The following SH3BP5 variants were observed in gnomAD, a reference collection of about 807,000 sequenced individuals.
The protein encoded by SH3BP5 is SH3 domain binding protein 5.
A neutral mutation model predicts 43.3 loss-of-function variants in SH3BP5; 22 were observed. The ratio of observed to expected loss-of-function variants is 0.51; its 90% CI spans 0.36 to 0.73. SH3BP5 has a LOEUF of 0.73. Ranked by LOEUF, SH3BP5 falls within the 30% of genes least tolerant of loss-of-function variation. SH3BP5 has a pLI of 0.00. For synonymous variants in SH3BP5, 255 were observed against 225.8 expected, an observed-to-expected ratio of 1.13 and a Z score of -1.16; for missense variants, 529 against 586.9, an observed-to-expected ratio of 0.90 and a Z score of 1.02.
chr3:15,322,616 C>G (rs891688741), intron 2 of SH3BP5, among the ~76,000 whole-genome samples: 1 of 151,416 alleles, frequency 6.6e-6, no homozygotes, highest in African/African-American at 2.4e-5. Context: ...GGCAGGAGGA[C>G]TGCTTGAGCC....
intron 3 of SH3BP5, among the ~76,000 whole-genome samples, chr3:15,283,341 A>ATG (rs1275618086): frequency 1.4e-4 from 22 of 152,272 alleles, no homozygotes; most frequent in African/African-American, 5.3e-4. Context: ...AGGCTGCAGT[A>ATG]AGCCGAGATT....
intron 2 of SH3BP5, among the ~76,000 whole-genome samples, chr3:15,325,888 G>A (rs922987830): frequency 1.3e-5 from 2 of 152,156 alleles, no homozygotes; most frequent in Admixed American, 1.3e-4. Flanking sequence ...GCGTGGTGGT[G>A]TGAGCCTTTG....
chr3:15,281,650 A>G (rs1368769694), intron 3 of SH3BP5, among the ~76,000 whole-genome samples: 3 of 152,156 alleles, frequency 2.0e-5, no homozygotes, highest in African/African-American at 7.2e-5. Flanking sequence ...CACCTGCACC[A>G]TGTGGACAAA....
intron 3 of SH3BP5, among the ~76,000 whole-genome samples, chr3:15,282,685 A>C (rs1416651290): frequency 1.3e-5 from 2 of 151,402 alleles, no homozygotes; most frequent in Non-Finnish European, 2.9e-5. Context: ...GATGATATTT[A>C]AAAACTAATT....
At chr3:15,276,366 C>T (rs1017697704) in intron 3 of SH3BP5, among the ~76,000 whole-genome samples, 2 of 152,220 alleles carry the variant, frequency 1.3e-5, no homozygotes, top group Non-Finnish European at 2.9e-5. Flanking sequence ...TGTCACATAG[C>T]TGTTTAGTGG....
At chr3:15,330,595 A>C (rs1471273877) in intron 1 of SH3BP5, 29 bp from the exon 2 acceptor site, 5 of 1,552,696 alleles carry the variant, frequency 3.2e-6, no homozygotes, top group African/African-American at 1.4e-5. Flanking sequence ...AGAAAAAAAG[A>C]CTTAAGGGAT....
intron 4 of SH3BP5, among the ~76,000 whole-genome samples, chr3:15,267,258 C>A (rs1029987534): frequency 2.6e-5 from 4 of 152,214 alleles, no homozygotes; most frequent in Admixed American, 2.0e-4. Flanking sequence ...TCAAAGCCAA[C>A]CATGCAAGTG....
intron 5 of SH3BP5, 61 bp from the exon 6 acceptor site, chr3:15,259,864 C>T (rs1575277049): frequency 1.4e-6 from 2 of 1,473,742 alleles, no homozygotes; most frequent in East Asian, 4.5e-5. Flanking sequence ...CAGTCAACTC[C>T]ACAAGATGAA....
intron 2 of SH3BP5, among the ~76,000 whole-genome samples, chr3:15,305,858 G>A (rs1018714154): frequency 1.3e-5 from 2 of 152,000 alleles, no homozygotes; most frequent in African/African-American, 4.8e-5. Context: ...GCTTAATCAT[G>A]TTGTAAAAGT....
intron 4 of SH3BP5, among the ~76,000 whole-genome samples, chr3:15,269,438 A>G (rs1696735147): frequency 6.6e-6 from 1 of 152,176 alleles, no homozygotes; most frequent in African/African-American, 2.4e-5. Context: ...GCCTGAGTCC[A>G]GTCAAGACCC....
chr3:15,330,837 C>A, intron 1 of SH3BP5: 1 of 699,596 alleles, frequency 1.4e-6, no homozygotes, highest in South Asian at 6.4e-5. Context: ...AGGTACATGC[C>A]TTCAGGTAAA....
intron 3 of SH3BP5, among the ~76,000 whole-genome samples, chr3:15,288,272 C>T (rs1290689043): frequency 6.6e-6 from 1 of 152,208 alleles, no homozygotes; most frequent in Non-Finnish European, 1.5e-5. Context: ...AACACCCTCG[C>T]AGTAACAACC....
chr3:15,272,860 C>T (rs557291271), intron 3 of SH3BP5, among the ~76,000 whole-genome samples: 10 of 152,176 alleles, frequency 6.6e-5, no homozygotes, highest in African/African-American at 1.7e-4. Context: ...TGGGACCAGT[C>T]GCCCACTTCC....
intron 1 of SH3BP5, among the ~76,000 whole-genome samples, chr3:15,339,439 C>T (rs547677228): frequency 1.2e-3 from 178 of 152,188 alleles, no homozygotes; most frequent in Non-Finnish European, 2.3e-3. Flanking sequence ...AGCCCAGGTG[C>T]GGTGGCTCAC....
intron 2 of SH3BP5, among the ~76,000 whole-genome samples, chr3:15,320,264 G>A (rs1034600833): frequency 6.6e-6 from 1 of 152,054 alleles, no homozygotes; most frequent in African/African-American, 2.4e-5. Flanking sequence ...CTCCCTGATA[G>A]CAGTTTCTTT....
intron 5 of SH3BP5, among the ~76,000 whole-genome samples, chr3:15,261,921 T>C (rs1047070471): frequency 5.9e-5 from 9 of 152,182 alleles, no homozygotes; most frequent in African/African-American, 2.2e-4. Flanking sequence ...AAATTCCTTT[T>C]TCTGTGTTTC....
At chr3:15,333,086 A>T (rs1274170577), upstream of SH3BP5, 1 of 985,368 alleles carries the variant, frequency 1.0e-6, no homozygotes, top group Non-Finnish European at 1.2e-6. Flanking sequence ...CGGCGGTCCT[A>T]CCTGAATAGC....
intron 2 of SH3BP5, among the ~76,000 whole-genome samples, chr3:15,310,996 C>G (rs1698042842): frequency 6.6e-6 from 1 of 152,136 alleles, no homozygotes; most frequent in Non-Finnish European, 1.5e-5. Context: ...CGCTCACCTG[C>G]TCACCTCAAT....
At position 15,304,211 on chromosome 3, in the gene SH3BP5, G is replaced by A; in HGVS notation, c.222C>T (p.Arg74=). 2 of 1,614,202 alleles carry A rather than the reference G, an allele frequency of 1.2e-6. No homozygotes were observed. Among genetic ancestry groups the A allele is most frequent in the Non-Finnish European group, 1.7e-6 (2 of 1,180,040 alleles). The change falls in exon 3 of 9, where the codon CGC becomes CGT. Residue 74 remains arginine, a synonymous_variant. Transcript: ENST00000383791. The stretch of plus-strand genomic sequence containing the variant: ...TCACCGTTGCTTCAACCAGAACAGA[G>A]CGGAACTTCTGACGAGCATCCTGCA... ...TELEDARQKF[R]SVLVEATVKL... is the part of the protein sequence containing the mutation.
Sources: allele counts gnomAD v4.1 joint callset (sites outside exome capture counted in the v4.1 genomes callset), GRCh38; gene constraint gnomAD v4.1.1; transcripts MANE v1.5; gene names NCBI Gene and HGNC (gene_info 2026-07-23, HGNC 2026-07-21).